PSEN2: variants seen among roughly 807,000 people sequenced by gnomAD.
The protein encoded by PSEN2 is presenilin 2.
A neutral mutation model predicts 49.1 loss-of-function variants in PSEN2; 32 were observed. The observed-to-expected ratio is 0.65, with a 90% confidence interval of 0.49 to 0.88. The LOEUF (loss-of-function observed/expected upper bound fraction) is 0.88. PSEN2 is among the 40% of genes least tolerant of loss of function. PSEN2 has a pLI of 0.00. For synonymous variants in PSEN2, 255 were observed against 244.0 expected (o/e 1.05, Z -0.42); for missense variants, 522 against 586.9 (o/e 0.89, Z 1.14).
intron 3 of PSEN2, among the ~76,000 whole-genome samples, chr1:226,879,152 G>T (rs543515097): frequency 6.6e-6 from 1 of 152,178 alleles, no homozygotes; most frequent in Non-Finnish European, 1.5e-5. Context: ...GATTACAGGC[G>T]TGAGCCGAGC....
chr1:226,897,988 C>G (rs1419422303), downstream of PSEN2: 1 of 153,062 alleles, frequency 6.5e-6, no homozygotes, highest in African/African-American at 2.4e-5. Context: ...TGGAGTTTTG[C>G]TCTTGTCACC....
intron 1 of PSEN2, chr1:226,870,917 C>T (rs1660235486): frequency 6.6e-6 from 1 of 152,138 alleles, no homozygotes; most frequent in South Asian, 2.1e-4. Context: ...CGGGGAGCGG[C>T]CCTCAGGCCT....
chr1:226,873,991 C>G (rs1660468888), intron 2 of PSEN2, among the ~76,000 whole-genome samples: 1 of 152,162 alleles, frequency 6.6e-6, no homozygotes. Flanking sequence ...CCTCCCCATG[C>G]CCATATGTGG....
rs766853710 is a variant in PSEN2, at chr1:226,881,945, T to G, written c.38T>G (p.Val13Gly). ...TFMASDSEEEVCDERTSLMSA... is the reference protein window; with the variant it reads ...TFMASDSEEEGCDERTSLMSA... ...ATGGCCTCTGACAGCGAGGAAGAAG[T>G]GTGTGATGAGCGGACGTCCCTAATG... Residue 13 changes from valine to glycine, a missense_variant, in exon 4 of 13, where the codon GTG becomes GGG. By Grantham distance (109) the Val-to-Gly change is moderately radical. Coordinates refer to ENST00000366783, the MANE Select transcript of PSEN2 (RefSeq NM_000447.3). 1.2e-6 allele frequency: 2 copies of G among 1,613,840 alleles called. No individual in the cohort carries two copies. The highest frequency in any genetic ancestry group is 2.2e-5 in the South Asian group (2 of 91,070).
rs755095033 is a variant in PSEN2 at position 226,891,741 on chromosome 1, A to G, written c.971-2A>G. On this transcript the variant is annotated splice_acceptor_variant, in intron 10 of 12. Coordinates refer to ENST00000366783, the MANE Select transcript of PSEN2 (RefSeq NM_000447.3). LOFTEE classifies it high-confidence loss of function. The stretch of plus-strand genomic sequence containing the variant: ...GGACATCTTCTCTTCCTGGACACCC[A>G]GAAGAAGACTCCTATGACAGTTTTG... The G allele has an allele frequency of 6.2e-7, 1 of 1,613,084 alleles. No individual in the cohort carries two copies. Among genetic ancestry groups the G allele is most frequent in the Non-Finnish European group, 8.5e-7 (1 of 1,179,106 alleles).
chr1:226,885,485 G>A (rs1480138145), intron 5 of PSEN2, 53 bp from the exon 6 acceptor site: 1 of 1,597,896 alleles, frequency 6.3e-7, no homozygotes, highest in African/African-American at 1.3e-5. Flanking sequence ...AAGGTGGGGA[G>A]CCTCGAGGAG....
At chr1:226,870,836 G>C (rs995105931) in intron 1 of PSEN2, 187 bp downstream of exon 1, 2 of 152,722 alleles carry the variant, frequency 1.3e-5, no homozygotes, top group Non-Finnish European at 2.9e-5. Context: ...CGGCCAGCGC[G>C]GGGGCGGAGA....
chr1:226,895,565 C>G lies in PSEN2; in HGVS notation c.1333C>G (p.Gln445Glu). The G allele has an allele frequency of 3.1e-6, 5 of 1,612,624 alleles. No individual in the cohort carries two copies. The highest frequency in any genetic ancestry group is 4.2e-6 in the Non-Finnish European group (5 of 1,179,320). The change falls in exon 13 of 13, where the codon CAG (glutamine) becomes GAG (glutamate). Residue 445 changes from glutamine to glutamate, a missense_variant. Coordinates refer to ENST00000366783, the MANE Select transcript of PSEN2 (RefSeq NM_000447.3). ...GTTCATGGACACCCTGGCCTCCCAT[C>G]AGCTCTACATCTGAGGGACATGGTG... ...RPFMDTLASH[Q>E]LYI is the part of the protein sequence containing the mutation.
chr1:226,873,573 T>A (rs566240109), intron 2 of PSEN2, among the ~76,000 whole-genome samples: 19 of 152,088 alleles, frequency 1.2e-4, no homozygotes, highest in Admixed American at 1.1e-3. Context: ...CTGCCACCAC[T>A]CCCAGCTAAT....
At chr1:226,875,215 G>A (rs1278638340) in intron 2 of PSEN2, 150 bp from the exon 3 acceptor site, 2 of 152,272 alleles carry the variant, frequency 1.3e-5, no homozygotes, top group African/African-American at 4.8e-5. Flanking sequence ...TCCCCAAGTG[G>A]TATGTGTTAC....
intron 8 of PSEN2, 121 bp from the exon 9 acceptor site, chr1:226,889,914 T>G: frequency 1.2e-6 from 1 of 806,690 alleles, no homozygotes. Flanking sequence ...GAATTTGGGA[T>G]GCCAGCCCAG....
intron 11 of PSEN2, among the ~76,000 whole-genome samples, chr1:226,892,101 C>T (rs568886943): frequency 3.0e-4 from 45 of 152,216 alleles, no homozygotes; most frequent in Non-Finnish European, 4.9e-4. Context: ...TGGTGGGACC[C>T]ACAGGCTAAG....
chr1:226,872,830 C>T (rs1660393872), intron 2 of PSEN2, among the ~76,000 whole-genome samples: 1 of 152,112 alleles, frequency 6.6e-6, no homozygotes, highest in Admixed American at 6.6e-5. Context: ...GAACATTTTC[C>T]ACTGGGCTCC....
intron 3 of PSEN2, among the ~76,000 whole-genome samples, chr1:226,881,193 A>G (rs1660963581): frequency 6.6e-6 from 1 of 152,140 alleles, no homozygotes; most frequent in Non-Finnish European, 1.5e-5. Flanking sequence ...GTCAGTGGCC[A>G]GACTGACTTT....
At position 226,883,859 on chromosome 1, in the gene PSEN2, T is replaced by C. The variant is rs755514702; in HGVS notation, c.296T>C (p.Met99Thr). 1.2e-6 allele frequency: 2 copies of C among 1,613,714 alleles called. No individual in the cohort carries two copies. The highest frequency in any genetic ancestry group is 1.3e-5 in the African/African-American group (1 of 74,792). ...IMLFVPVTLC[M>T]IVVVATIKSV... ...CTGTTTGTGCCTGTCACTCTGTGCA[T>C]GATCGTGGTGGTAGCCACCATCAAG... Residue 99 changes from methionine (M) to threonine (T), a missense_variant, in exon 5 of 13, where the codon ATG (methionine) becomes ACG (threonine). Met to Thr is a moderately conservative substitution (Grantham distance 81). Coordinates refer to ENST00000366783, the MANE Select transcript of PSEN2 (RefSeq NM_000447.3).
chr1:226,885,486 C>T (rs1661294970), intron 5 of PSEN2, 52 bp from the exon 6 acceptor site: 1 of 1,599,022 alleles, frequency 6.3e-7, no homozygotes, highest in Non-Finnish European at 8.5e-7. Context: ...AGGTGGGGAG[C>T]CTCGAGGAGC....
At chr1:226,891,672 G>C in intron 10 of PSEN2, 71 bp from the exon 11 acceptor site, 1 of 1,343,596 alleles carries the variant, frequency 7.4e-7, no homozygotes, top group South Asian at 1.2e-5. Context: ...ACTCTGACCA[G>C]CTGTTGTTTC....
chr1:226,884,446 T>TG (rs1291184119), intron 5 of PSEN2, among the ~76,000 whole-genome samples: 1 of 152,182 alleles, frequency 6.6e-6, no homozygotes, highest in Non-Finnish European at 1.5e-5. Context: ...GTAAAATACA[T>TG]GCAGAGGCAG....
At chr1:226,886,402 G>C (rs1661367124) in intron 6 of PSEN2, among the ~76,000 whole-genome samples, 1 of 152,120 alleles carries the variant, frequency 6.6e-6, no homozygotes, top group Non-Finnish European at 1.5e-5. Context: ...AGACTTTTGG[G>C]TTGTAGCTGC....
Sources: gnomAD v4.1 joint callset for allele counts (sites outside exome capture counted in the v4.1 genomes callset) on GRCh38, gnomAD v4.1.1 for gene constraint, MANE v1.5 for transcripts, NCBI Gene and HGNC (gene_info 2026-07-23, HGNC 2026-07-21) for gene names.